Variants in MXI1 observed in about 807,000 individuals in gnomAD.
MXI1 encodes max-interacting protein 1.
In MXI1, 18 loss-of-function variants were observed where a neutral mutation model predicts 36.9. That is an observed-to-expected ratio of 0.49 (90% CI 0.34 to 0.72). MXI1 has a LOEUF of 0.72. Among genes scored for constraint, MXI1 ranks in the 30% least tolerant of loss-of-function variants. MXI1 has a pLI of 0.01. For synonymous variants in MXI1, 160 were observed against 146.7 expected, an observed-to-expected ratio of 1.09 and a Z score of -0.65; for missense variants, 304 against 379.1, an observed-to-expected ratio of 0.80 and a Z score of 1.64.
At chr10:110,230,398 C>T (rs560039143) in intron 2 of MXI1, among the ~76,000 whole-genome samples, 1 of 152,134 alleles carries the variant, frequency 6.6e-6, no homozygotes, top group South Asian at 2.1e-4. Flanking sequence ...GCAAGCATGC[C>T]ATATTGTTCT....
intron 3 of MXI1, among the ~76,000 whole-genome samples, chr10:110,263,784 T>G (rs1365822587): frequency 2.6e-5 from 4 of 152,222 alleles, no homozygotes; most frequent in Non-Finnish European, 5.9e-5. Context: ...TTTTTTTGTT[T>G]CTTCTCACAG....
chr10:110,270,817 C>T (rs775853887), intron 3 of MXI1, among the ~76,000 whole-genome samples: 4 of 152,068 alleles, frequency 2.6e-5, no homozygotes, highest in Non-Finnish European at 4.4e-5. Context: ...TGGCCGGTTG[C>T]GGTGGCTCAT....
intron 2 of MXI1, among the ~76,000 whole-genome samples, 199 bp downstream of exon 2, chr10:110,228,520 C>T (rs1855143450): frequency 6.6e-6 from 1 of 152,094 alleles, no homozygotes; most frequent in Non-Finnish European, 1.5e-5. Context: ...GAAAGACAAC[C>T]AAAGAAGTTC....
chr10:110,251,570 G>C (rs1423092071), intron 3 of MXI1, among the ~76,000 whole-genome samples: 2 of 152,020 alleles, frequency 1.3e-5, no homozygotes, highest in African/African-American at 4.8e-5. Flanking sequence ...GAATCATTTT[G>C]AAAAAGAAAT....
At chr10:110,251,010 T>TAAAAA (rs60315131) in intron 3 of MXI1, among the ~76,000 whole-genome samples, 1 of 54,962 alleles carries the variant, frequency 1.8e-5, no homozygotes. Context: ...AAGTATTTGT[T>TAAAAA]AAAAAAAAAA....
intron 1 of MXI1, chr10:110,227,627 G>T (rs1855105119): frequency 1.1e-6 from 1 of 887,698 alleles, no homozygotes; most frequent in Non-Finnish European, 1.4e-6. Context: ...CTGAGCGGGG[G>T]AAAACCGGTG....
intron 1 of MXI1, chr10:110,227,589 C>A: frequency 1.1e-6 from 1 of 932,644 alleles, no homozygotes; most frequent in Non-Finnish European, 1.3e-6. Flanking sequence ...TGGGGGGGGT[C>A]AGGGGAAGGG....
At chr10:110,273,281 T>C (rs1269257314) in intron 3 of MXI1, among the ~76,000 whole-genome samples, 1 of 151,972 alleles carries the variant, frequency 6.6e-6, no homozygotes, top group East Asian at 1.9e-4. Flanking sequence ...TCTCCTGACC[T>C]CATGATCCGC....
intron 3 of MXI1, among the ~76,000 whole-genome samples, chr10:110,262,339 T>G (rs1464435319): frequency 1.3e-5 from 2 of 152,118 alleles, no homozygotes; most frequent in Non-Finnish European, 2.9e-5. Flanking sequence ...TATGCAAATA[T>G]TACACCATTT....
At chr10:110,279,641 G>A (rs77831166) in intron 4 of MXI1, among the ~76,000 whole-genome samples, 1,626 of 152,276 alleles carry the variant, frequency 0.011, 23 homozygotes, top group African/African-American at 0.035. Flanking sequence ...AAGTTTCTCC[G>A]TGGAGATTAC....
chr10:110,268,103 G>C (rs1487729348), intron 3 of MXI1, among the ~76,000 whole-genome samples: 1 of 152,192 alleles, frequency 6.6e-6, no homozygotes, highest in African/African-American at 2.4e-5. Flanking sequence ...TTAGGCGAGA[G>C]AGCCACACAA....
At chr10:110,209,328 C>T (rs961120985) in intron 1 of MXI1, among the ~76,000 whole-genome samples, 8 of 151,710 alleles carry the variant, frequency 5.3e-5, no homozygotes, top group Admixed American at 3.9e-4. Context: ...TACGTGTGCG[C>T]GTGTGTGTGT....
chr10:110,244,730 A>G (rs1372046984), intron 2 of MXI1, 98 bp from the exon 3 acceptor site: 1 of 957,926 alleles, frequency 1.0e-6, no homozygotes, highest in African/African-American at 1.7e-5. Context: ...GCATTGTTAA[A>G]TAAATTCACT....
At chr10:110,208,745 C>CT in intron 1 of MXI1, among the ~76,000 whole-genome samples, 1 of 148,702 alleles carries the variant, frequency 6.7e-6, no homozygotes, top group East Asian at 2.0e-4. Flanking sequence ...CCGCCGCCCC[C>CT]CCCCCCCCAA....
intron 1 of MXI1, among the ~76,000 whole-genome samples, chr10:110,218,751 AATC>A (rs1854720927): frequency 6.6e-6 from 1 of 152,106 alleles, no homozygotes; most frequent in Non-Finnish European, 1.5e-5. Context: ...TCAGGGTGTG[AATC>A]CACACCCTGT....
intron 2 of MXI1, among the ~76,000 whole-genome samples, chr10:110,243,427 G>A (rs756813384): frequency 3.4e-4 from 52 of 152,036 alleles, no homozygotes; most frequent in Non-Finnish European, 4.4e-4. Flanking sequence ...TGGCCCTTAA[G>A]CTAAGACAGT....
chr10:110,242,506 T>C (rs960500129), intron 2 of MXI1, among the ~76,000 whole-genome samples: 2 of 152,082 alleles, frequency 1.3e-5, no homozygotes, highest in Non-Finnish European at 2.9e-5. Context: ...TGATCATTTT[T>C]GCTTCTCGTT....
chr10:110,208,933 G>A (rs1854434721), intron 1 of MXI1, among the ~76,000 whole-genome samples: 1 of 152,128 alleles, frequency 6.6e-6, no homozygotes, highest in African/African-American at 2.4e-5. Context: ...TCCGGGAGAC[G>A]GCTCTTGAGT....
chr10:110,274,665 T>G (rs1159110280), intron 3 of MXI1, among the ~76,000 whole-genome samples: 1 of 152,248 alleles, frequency 6.6e-6, no homozygotes, highest in Non-Finnish European at 1.5e-5. Flanking sequence ...AGTACCAGGT[T>G]TTTTCTACTT....
Sources: allele counts gnomAD v4.1 joint callset (sites outside exome capture counted in the v4.1 genomes callset), GRCh38; gene constraint gnomAD v4.1.1; transcripts MANE v1.5; gene names NCBI Gene and HGNC (gene_info 2026-07-23, HGNC 2026-07-21).